The following DGKG variants were observed in gnomAD, a reference collection of about 807,000 sequenced individuals.
The protein encoded by DGKG is diacylglycerol kinase gamma.
Under a neutral mutation model 105.3 loss-of-function variants are expected in DGKG, and 78 were observed. The observed-to-expected ratio is 0.74, with a 90% confidence interval of 0.62 to 0.89. The LOEUF (loss-of-function observed/expected upper bound fraction) is 0.89. Among genes scored for constraint, DGKG ranks in the 40% least tolerant of loss-of-function variants. The pLI is 0.00. For missense variants in DGKG, 958 were observed against 1,020.1 expected (o/e 0.94, Z 0.83); for synonymous variants, 346 against 367.1 (o/e 0.94, Z 0.66).
At position 186,282,856 on chromosome 3, in the gene DGKG, C is replaced by T. The variant is rs528762654; in HGVS notation, c.594+1804G>A. 2.6e-4 allele frequency among the ~76,000 whole-genome samples: 39 copies of T among 152,168 alleles called. No homozygotes were observed. The South Asian group carries it at 7.5e-3, about 29-fold the overall frequency. On this transcript the variant is annotated intron_variant, in intron 7 of 24. Coordinates refer to ENST00000265022, the MANE Select transcript of DGKG (RefSeq NM_001346.3). ...AAAACATAAGTCAATCACATCACTC[C>T]TCTGCTCAAGATCGTCAATGGTTCT...
intron 21 of DGKG, among the ~76,000 whole-genome samples, chr3:186,199,716 T>C (rs535588387): frequency 6.6e-6 from 1 of 152,246 alleles, no homozygotes; most frequent in South Asian, 2.1e-4. Context: ...TTTCACCATT[T>C]TGGCCAGGCT....
At position 186,267,784 on chromosome 3, in the gene DGKG, G is replaced by T; in HGVS notation, c.1117-7C>A. 1 of 1,613,220 alleles carries T rather than the reference G, an allele frequency of 6.2e-7. No individual in the cohort carries two copies. Among genetic ancestry groups the T allele is most frequent in the South Asian group, 1.1e-5 (1 of 91,046 alleles). ...ATTCACATTTGCGGTGAAACTGGGG[G>T]GAGAAATGAAAAAGAGAGTGAGTGA... On this transcript the variant is annotated splice_region_variant and splice_polypyrimidine_tract_variant and intron_variant, in intron 12 of 24. Transcript: ENST00000265022.
chr3:186,168,092 G>A (rs1028857503), intron 22 of DGKG, among the ~76,000 whole-genome samples: 5 of 152,180 alleles, frequency 3.3e-5, no homozygotes, highest in Admixed American at 6.5e-5. Flanking sequence ...TCCAGGCACA[G>A]GGATGATCAT....
Position 186,272,319 on chromosome 3 carries a change from C to T in DGKG, c.935G>A (p.Arg312His), listed in dbSNP as rs760143890. Residue 312 changes from arginine (R) to histidine (H), a missense_variant, in exon 11 of 25, where the codon CGC becomes CAC. Physicochemically the swap from Arg to His is conservative, Grantham distance 29. Transcript: ENST00000265022. ...CTYCKYTVHERCVSRNIPGCV... is the reference protein window; with the variant it reads ...CTYCKYTVHEHCVSRNIPGCV... ...ACCAGGAATGTTTCTGGACACACAG[C>T]GTTCGTGGACAGTGTATTTACAGTC... is the stretch of plus-strand genomic sequence containing the variant. The T allele has an allele frequency of 6.8e-6, 11 of 1,613,468 alleles. No individual in the cohort carries two copies. Among genetic ancestry groups the T allele is most frequent in the Middle Eastern group, 1.6e-4 (1 of 6,080 alleles).
chr3:186,333,560 A>T (rs75243579), intron 1 of DGKG, among the ~76,000 whole-genome samples: 2,969 of 152,262 alleles, frequency 0.019, 95 homozygotes, highest in African/African-American at 0.068. Flanking sequence ...TCCAATCTGG[A>T]TGTGTTTTTC....
intron 22 of DGKG, among the ~76,000 whole-genome samples, chr3:186,176,660 A>C (rs1357214588): frequency 6.6e-6 from 1 of 152,190 alleles, no homozygotes; most frequent in Non-Finnish European, 1.5e-5. Flanking sequence ...TAGGTCAATT[A>C]ACCCTCCCTG....
intron 2 of DGKG, among the ~76,000 whole-genome samples, chr3:186,307,767 A>T (rs1724320606): frequency 6.6e-6 from 1 of 152,070 alleles, no homozygotes. Context: ...TTCATTAAGT[A>T]TGTAGGATGA....
intron 5 of DGKG, among the ~76,000 whole-genome samples, chr3:186,297,214 CA>C: frequency 6.6e-6 from 1 of 152,108 alleles, no homozygotes; most frequent in Non-Finnish European, 1.5e-5. Flanking sequence ...GCAAGTGAAG[CA>C]AAAACCTTTA....
In DGKG at chr3:186,191,100, T is replaced by C. The variant is rs150202671; in HGVS notation, c.1918-2721A>G. On this transcript the variant is annotated intron_variant, in intron 21 of 24. Coordinates refer to ENST00000265022, the MANE Select transcript of DGKG (RefSeq NM_001346.3). ...AACTTCTCTGTGGTCATCTGACTTATTAGTGGTGGAGCTAGATATGTATCC... is the reference window on the plus strand; with the variant it reads ...AACTTCTCTGTGGTCATCTGACTTACTAGTGGTGGAGCTAGATATGTATCC... 3.2e-4 allele frequency among the ~76,000 whole-genome samples: 48 copies of C among 152,300 alleles called. No individual in the cohort carries two copies. The East Asian group carries it at 8.7e-3, about 28-fold the overall frequency.
At chr3:186,289,106 C>T (rs1457248416) in intron 5 of DGKG, among the ~76,000 whole-genome samples, 1 of 152,142 alleles carries the variant, frequency 6.6e-6, no homozygotes, top group African/African-American at 2.4e-5. Flanking sequence ...AGTCTATTTC[C>T]TTGCAGGAAA....
chr3:186,265,261 C>T lies in DGKG; in HGVS notation c.1255G>A (p.Glu419Lys), dbSNP rs754886209. The change falls in exon 14 of 25, where the codon GAA becomes AAA. Residue 419 changes from glutamate (E) to lysine (K), a missense_variant. This residue lies in a region of DGKG where 643 missense variants were observed against 619.5 expected (regional missense o/e 1.04). Coordinates refer to ENST00000265022, the MANE Select transcript of DGKG (RefSeq NM_001346.3). The part of the protein sequence containing the change: ...KSDGCVSAKG[E>K]LVMQYKIIPT... ...TCATGAGGTACCTGCATGACAAGTT[C>T]GCCCTTGGCGGACACGCAGCCATCA... 21 of 1,614,102 alleles carry T rather than the reference C, an allele frequency of 1.3e-5. No individual in the cohort carries two copies. Among genetic ancestry groups the T allele is most frequent in the South Asian group, 7.7e-5 (7 of 91,092 alleles).
chr3:186,264,704 T>G (rs1721960960), intron 14 of DGKG, among the ~76,000 whole-genome samples: 1 of 152,210 alleles, frequency 6.6e-6, no homozygotes, highest in Admixed American at 6.5e-5. Context: ...AGGCCCCGGT[T>G]TTCTATTTCC....
At chr3:186,328,209 C>T (rs772792644) in intron 1 of DGKG, among the ~76,000 whole-genome samples, 1 of 152,204 alleles carries the variant, frequency 6.6e-6, no homozygotes, top group African/African-American at 2.4e-5. Flanking sequence ...CTTTTTGGAA[C>T]TCTTTGAGCA....
intron 22 of DGKG, among the ~76,000 whole-genome samples, chr3:186,173,337 T>G (rs1371130874): frequency 6.6e-6 from 1 of 152,244 alleles, no homozygotes; most frequent in African/African-American, 2.4e-5. Context: ...GAAAGTGATC[T>G]GTAAAAAGCC....
chr3:186,242,716 A>G (rs1309406704), intron 19 of DGKG, 148 bp from the exon 20 acceptor site: 1 of 601,754 alleles, frequency 1.7e-6, no homozygotes, highest in Non-Finnish European at 2.9e-6. Context: ...ACATCCGCGG[A>G]GCCAACAGAG....
rs138223847 is a variant in DGKG at position 186,172,779 on chromosome 3, A to G, written c.2096-7761T>C. Among the ~76,000 whole-genome samples the G allele has an allele frequency of 6.6e-3, 1,008 of 152,358 alleles. 8 individuals carry two copies. The highest frequency in any genetic ancestry group is 0.023 in the African/African-American group (954 of 41,582). ...TCTACACTAAGTTCTTGAGGATGGG[A>G]CTAATATCTTAATTGCTGTGTCATT... On this transcript the variant is annotated intron_variant, in intron 22 of 24. Transcript: ENST00000265022.
intron 5 of DGKG, among the ~76,000 whole-genome samples, chr3:186,296,129 A>G (rs1179381167): frequency 6.6e-6 from 1 of 151,988 alleles, no homozygotes; most frequent in Non-Finnish European, 1.5e-5. Flanking sequence ...AAAAAAAAGA[A>G]AAGAATAAAG....
At chr3:186,161,193 T>TA (rs1392608626) in intron 24 of DGKG, 1 of 1,000,384 alleles carries the variant, frequency 1.0e-6, no homozygotes, top group Non-Finnish European at 1.2e-6. Context: ...GGTAAGTGTG[T>TA]AGATTTGGCT....
intron 19 of DGKG, among the ~76,000 whole-genome samples, chr3:186,246,161 G>A (rs1279986198): frequency 5.3e-5 from 8 of 151,926 alleles, no homozygotes; most frequent in Admixed American, 6.6e-5. Flanking sequence ...TAGTAGAGAC[G>A]GGGTTTCACC....
Sources: gnomAD v4.1 joint callset for allele counts (sites outside exome capture counted in the v4.1 genomes callset) on GRCh38, gnomAD v4.1.1 for gene constraint, gnomAD v4.1.1 regional missense constraint, MANE v1.5 for transcripts, NCBI Gene and HGNC (gene_info 2026-07-23, HGNC 2026-07-21) for gene names.